EPHA4: variants seen among roughly 807,000 people sequenced by gnomAD.
EPHA4 encodes ephrin type-A receptor 4.
In EPHA4, 19 loss-of-function variants were observed where a neutral mutation model predicts 108.3. The observed-to-expected ratio is 0.18, with a 90% CI of 0.12 to 0.26. The LOEUF (loss-of-function observed/expected upper bound fraction) is 0.26, where lower values mean the gene tolerates loss of function less well. Among genes scored for constraint, EPHA4 ranks in the 10% least tolerant of loss-of-function variants. EPHA4 has a pLI of 1.00. For synonymous variants in EPHA4, 449 were observed against 455.5 expected (o/e 0.99, Z 0.18); for missense variants, 917 against 1,254.0 (o/e 0.73, Z 4.06).
chr2:221,544,953 T>C (rs1276622366), intron 3 of EPHA4, among the ~76,000 whole-genome samples: 4 of 152,180 alleles, frequency 2.6e-5, no homozygotes, highest in African/African-American at 9.7e-5. Context: ...AAACCAACCC[T>C]GATGAACCCT....
chr2:221,501,025 G>A lies in EPHA4; in HGVS notation c.971C>T (p.Pro324Leu), dbSNP rs1419592564. ...ACAAGCATACAACTTACGGGTGCAG[G>A]GCATAGAGGCAGCATCGTTGTCAGC... ...FRADNDAASM[P>L]CTRPPSAPLN... Residue 324 changes from proline (P) to leucine (L), a missense_variant, in exon 4 of 18, where the codon CCC becomes CTC. This residue lies in a region of EPHA4 where 758 missense variants were observed against 1,076.7 expected (regional missense o/e 0.70). Transcript: ENST00000281821. 1 of 1,607,788 alleles carries A rather than the reference G, an allele frequency of 6.2e-7. No homozygotes were observed. Among genetic ancestry groups the A allele is most frequent in the Non-Finnish European group, 8.5e-7 (1 of 1,177,520 alleles).
At chr2:221,514,090 G>C (rs1249498867) in intron 3 of EPHA4, among the ~76,000 whole-genome samples, 1 of 68,220 alleles carries the variant, frequency 1.5e-5, no homozygotes, top group Non-Finnish European at 2.7e-5. Flanking sequence ...CTGTAAGCCG[G>C]GGGGAGGGGG....
chr2:221,522,253 C>T (rs1693185801), intron 3 of EPHA4, among the ~76,000 whole-genome samples: 1 of 152,010 alleles, frequency 6.6e-6, no homozygotes, highest in African/African-American at 2.4e-5. Context: ...ATGAAGAAAC[C>T]CAAGAGAAAG....
chr2:221,570,825 C>G (rs781438217), intron 1 of EPHA4, among the ~76,000 whole-genome samples: 1 of 150,310 alleles, frequency 6.7e-6, no homozygotes, highest in African/African-American at 2.4e-5. Flanking sequence ...GACGGACGGA[C>G]AGATATATGG....
chr2:221,505,101 G>T (rs1444505361), intron 3 of EPHA4, among the ~76,000 whole-genome samples: 1 of 152,048 alleles, frequency 6.6e-6, no homozygotes, highest in African/African-American at 2.4e-5. Context: ...GAGCTACACT[G>T]TCCATTAAAA....
intron 5 of EPHA4, among the ~76,000 whole-genome samples, chr2:221,473,248 G>T (rs959659141): frequency 6.6e-5 from 10 of 152,096 alleles, no homozygotes; most frequent in African/African-American, 2.4e-4. Context: ...CCAGAAGAAG[G>T]TTCATTAAAT....
At chr2:221,446,222 A>G in intron 8 of EPHA4, 41 bp from the exon 9 acceptor site, 1 of 1,303,538 alleles carries the variant, frequency 7.7e-7, no homozygotes, top group Non-Finnish European at 1.0e-6. Context: ...TTTTCCTCAA[A>G]CACCTAAGCT....
intron 3 of EPHA4, among the ~76,000 whole-genome samples, chr2:221,502,368 T>A (rs376858299): frequency 2.8e-4 from 43 of 152,236 alleles, no homozygotes; most frequent in African/African-American, 9.1e-4. Flanking sequence ...TAACCCACAA[T>A]CTTTCCAGCA....
At chr2:221,537,760 A>G (rs1422950424) in intron 3 of EPHA4, among the ~76,000 whole-genome samples, 1 of 152,236 alleles carries the variant, frequency 6.6e-6, no homozygotes, top group East Asian at 1.9e-4. Context: ...ATTGCACTCT[A>G]GCCTAGGCAA....
At chr2:221,508,450 A>T (rs1160071925) in intron 3 of EPHA4, among the ~76,000 whole-genome samples, 1 of 152,086 alleles carries the variant, frequency 6.6e-6, no homozygotes, top group Non-Finnish European at 1.5e-5. Context: ...GGCATTGTGC[A>T]TGCCTGTAGT....
intron 5 of EPHA4, among the ~76,000 whole-genome samples, chr2:221,476,734 C>T (rs1691663029): frequency 6.6e-6 from 1 of 151,992 alleles, no homozygotes; most frequent in South Asian, 2.1e-4. Flanking sequence ...GCAATTATAC[C>T]CAGTGGGGAT....
intron 3 of EPHA4, among the ~76,000 whole-genome samples, chr2:221,518,380 A>C (rs1693052420): frequency 6.6e-6 from 1 of 152,152 alleles, no homozygotes; most frequent in African/African-American, 2.4e-5. Flanking sequence ...TAATCCAGTC[A>C]TGAACTGTGT....
intron 1 of EPHA4, among the ~76,000 whole-genome samples, chr2:221,570,184 T>C (rs1387309351): frequency 6.6e-6 from 1 of 151,108 alleles, no homozygotes; most frequent in Non-Finnish European, 1.5e-5. Context: ...GTGATGGGAA[T>C]AGAAAGCAAC....
chr2:221,542,288 G>T (rs1221288883), intron 3 of EPHA4, among the ~76,000 whole-genome samples: 1 of 152,180 alleles, frequency 6.6e-6, no homozygotes, highest in Non-Finnish European at 1.5e-5. Context: ...ATAGTCCATG[G>T]TGTATAAGTT....
chr2:221,559,342 G>A (rs10209693), intron 3 of EPHA4, among the ~76,000 whole-genome samples: 23,930 of 152,028 alleles, frequency 0.16, 2,599 homozygotes, highest in East Asian at 0.37. Context: ...CTGCTGATTA[G>A]TATTTCCCAA....
chr2:221,510,825 G>T (rs1025401013), intron 3 of EPHA4, among the ~76,000 whole-genome samples: 3 of 152,168 alleles, frequency 2.0e-5, no homozygotes, highest in African/African-American at 7.2e-5. Flanking sequence ...AGTTTGGAAG[G>T]AGTAAGCTTA....
chr2:221,418,076 T>G lies in EPHA4; in HGVS notation c.*3296A>C, dbSNP rs1226778245. 4.6e-5 allele frequency: 7 copies of G among 152,782 alleles called. No individual in the cohort carries two copies. The East Asian group carries it at 1.3e-3, about 29-fold the overall frequency. 9.5% of individuals were successfully genotyped at this position (152,782 alleles called of 1,614,324 possible). ...CTTTATTATTTTCAAATGCAAACTCTTTGCATTTAGTTTGCTATTTTACAA... is the reference window on the plus strand; with the variant it reads ...CTTTATTATTTTCAAATGCAAACTCGTTGCATTTAGTTTGCTATTTTACAA... On this transcript the variant is annotated 3_prime_UTR_variant, in exon 18 of 18. Transcript: ENST00000281821.
Position 221,563,610 on chromosome 2 carries a change from C to T in EPHA4, c.823+121G>A, listed in dbSNP as rs149522022. On this transcript the variant is annotated intron_variant, in intron 3 of 17. Transcript: ENST00000281821. ...GCTATAGCACTTACTCATTAGACCC[C>T]TGTGTCCCACCACATCCCACAGGGG... 74 of 1,184,360 alleles carry T rather than the reference C, an allele frequency of 6.2e-5. No individual in the cohort carries two copies. The East Asian group carries it at 1.6e-3, about 26-fold the overall frequency. The allele number at this position is 1,184,360 out of a possible 1,614,324, so 73.4% of individuals were successfully genotyped here.
chr2:221,431,429 C>T (rs1443835528), intron 14 of EPHA4, among the ~76,000 whole-genome samples: 2 of 152,166 alleles, frequency 1.3e-5, no homozygotes, highest in Non-Finnish European at 2.9e-5. Context: ...TTAATAAGAG[C>T]ACCGTTTCAG....
Sources: allele counts gnomAD v4.1 joint callset (sites outside exome capture counted in the v4.1 genomes callset), GRCh38; gene constraint gnomAD v4.1.1; regional missense constraint gnomAD v4.1.1; transcripts MANE v1.5; gene names NCBI Gene and HGNC (gene_info 2026-07-23, HGNC 2026-07-21).